BIK: variants seen among roughly 807,000 people sequenced by gnomAD.
BIK encodes the protein BCL2 interacting killer.
Under a neutral mutation model 12.1 loss-of-function variants are expected in BIK, and 14 were observed. The ratio of observed to expected loss-of-function variants is 1.16; its 90% CI spans 0.77 to 1.81. The LOEUF (loss-of-function observed/expected upper bound fraction) is 1.81. Ranked by LOEUF, BIK falls within the 40% of genes most tolerant of loss-of-function variation. BIK has a pLI of 0.00. For missense variants in BIK, 215 were observed against 207.9 expected (o/e 1.03, Z -0.21); for synonymous variants, 86 against 92.3 (o/e 0.93, Z 0.39).
intron 1 of BIK, among the ~76,000 whole-genome samples, chr22:43,115,084 C>G (rs998910091): frequency 6.6e-6 from 1 of 152,204 alleles, no homozygotes; most frequent in African/African-American, 2.4e-5. Flanking sequence ...CATGCAGGTT[C>G]CCGACTGGCT....
At chr22:43,114,491 T>G (rs1403328724) in intron 1 of BIK, among the ~76,000 whole-genome samples, 3 of 152,176 alleles carry the variant, frequency 2.0e-5, no homozygotes, top group East Asian at 3.9e-4. Flanking sequence ...TTAATAGAGA[T>G]GGGGTTTCAC....
At chr22:43,128,466 G>A in intron 3 of BIK, 30 bp from the exon 4 acceptor site, 1 of 1,582,582 alleles carries the variant, frequency 6.3e-7, no homozygotes, top group South Asian at 1.1e-5. Context: ...TGCAGTAATG[G>A]CTTTGTCCCC....
rs766525617 is a variant in BIK, at chr22:43,124,158, G to A, written c.136G>A (p.Asp46Asn). ...EEDLDPMEDF[D>N]SLECMEGSDA... ...GGACCTGGACCCTATGGAGGACTTC[G>A]ATTCTTTGGAATGCATGGAGGGCAG... is the stretch of plus-strand genomic sequence containing the variant. The change falls in exon 2 of 5, where the codon GAT (aspartate) becomes AAT (asparagine). Residue 46 changes from aspartate to asparagine, a missense_variant. Asp to Asn is a conservative substitution (Grantham distance 23). Transcript: ENST00000216115. 6.2e-6 allele frequency: 10 copies of A among 1,613,994 alleles called. No individual in the cohort carries two copies. The highest frequency in any genetic ancestry group is 5.5e-5 in the South Asian group (5 of 91,086).
At chr22:43,118,855 C>G (rs4988384) in intron 1 of BIK, among the ~76,000 whole-genome samples, 17,598 of 152,064 alleles carry the variant, frequency 0.12, 1,105 homozygotes, top group African/African-American at 0.14. Context: ...CAACCCCGCT[C>G]TGACACTCCT....
In BIK at chr22:43,124,129, A is replaced by T. The variant is rs1290564977; in HGVS notation, c.107A>T (p.Glu36Val). Residue 36 changes from glutamate (E) to valine (V), a missense_variant, in exon 2 of 5, where the codon GAA (glutamate) becomes GTA (valine). Physicochemically the swap from Glu to Val is moderately radical, Grantham distance 121. Transcript: ENST00000216115. ...TMEVLGMTDS[E>V]EDLDPMEDFD... ...GAGGTTCTTGGCATGACTGACTCTGAAGAGGACCTGGACCCTATGGAGGAC... is the reference window on the plus strand; with the variant it reads ...GAGGTTCTTGGCATGACTGACTCTGTAGAGGACCTGGACCCTATGGAGGAC... 6.2e-7 allele frequency: 1 copy of T among 1,614,018 alleles called. No individual in the cohort carries two copies. Among genetic ancestry groups the T allele is most frequent in the African/African-American group, 1.3e-5 (1 of 74,894 alleles).
chr22:43,128,642 C>G lies in BIK; in HGVS notation c.390+17C>G. ...GGGTCCTGGGTAAGAGCCTTGAGAT[C>G]CCTGACCCTGACTTGCGCTGCGGCC... On this transcript the variant is annotated intron_variant, in intron 4 of 4. Transcript: ENST00000216115. 1 of 1,594,572 alleles carries G rather than the reference C, an allele frequency of 6.3e-7. No homozygotes were observed. Among genetic ancestry groups the G allele is most frequent in the Non-Finnish European group, 8.6e-7 (1 of 1,168,826 alleles).
At chr22:43,122,960 A>G (rs566794387) in intron 1 of BIK, among the ~76,000 whole-genome samples, 1 of 152,258 alleles carries the variant, frequency 6.6e-6, no homozygotes, top group South Asian at 2.1e-4. Context: ...ACCAGCTGCA[A>G]GGGATGCTGG....
intron 3 of BIK, 146 bp downstream of exon 3, chr22:43,127,941 T>G (rs1930352756): frequency 4.9e-6 from 4 of 809,848 alleles, no homozygotes; most frequent in Non-Finnish European, 7.5e-6. Flanking sequence ...AACCCTTGGC[T>G]GCTTCCCGCA....
In BIK at chr22:43,117,229, C is replaced by T. The variant is rs538247775; in HGVS notation, c.-8+6426C>T. On this transcript the variant is annotated intron_variant, in intron 1 of 4. Coordinates refer to ENST00000216115, the MANE Select transcript of BIK (RefSeq NM_001197.5). ...CCAAGCCCATCCTGGAATCAGAACA[C>T]GCTGAGCACATTTTGTAGGGTGGCA... Among the ~76,000 whole-genome samples, 9 of 152,274 alleles carry T rather than the reference C, an allele frequency of 5.9e-5. No homozygotes were observed. The East Asian group carries it at 7.7e-4, about 13-fold the overall frequency.
chr22:43,125,088 G>A (rs867763864), intron 2 of BIK, among the ~76,000 whole-genome samples: 4 of 152,152 alleles, frequency 2.6e-5, no homozygotes, highest in African/African-American at 9.7e-5. Flanking sequence ...ACGTTGCCGT[G>A]GCATTTGTAA....
intron 2 of BIK, among the ~76,000 whole-genome samples, chr22:43,125,118 G>A (rs757491531): frequency 1.5e-4 from 23 of 152,296 alleles, no homozygotes; most frequent in Middle Eastern, 3.4e-3. Context: ...GCACTGGTGA[G>A]TGACTCCAAC....
At chr22:43,116,730 T>C (rs1378074634) in intron 1 of BIK, among the ~76,000 whole-genome samples, 1 of 152,204 alleles carries the variant, frequency 6.6e-6, no homozygotes, top group Non-Finnish European at 1.5e-5. Context: ...GTGCTGGGAT[T>C]ACAGGCGTAA....
chr22:43,129,278 C>T lies in BIK; in HGVS notation c.456C>T (p.Ser152=), dbSNP rs201234434. 4.7e-5 allele frequency: 75 copies of T among 1,600,564 alleles called. No individual in the cohort carries two copies. In the East Asian group the frequency reaches 1.1e-3, roughly 24 times the overall value. Residue 152 remains serine, a synonymous_variant, in exon 5 of 5, where the codon AGC becomes AGT. Transcript: ENST00000216115. ...TGGCGCTGCTGCTGCCGCTGCTCAG[C>T]GGGGGCCTGCACCTGCTGCTCAAGT... is the stretch of plus-strand genomic sequence containing the variant. ...LLLALLLPLL[S]GGLHLLLK is the part of the protein sequence containing the mutation.
intron 1 of BIK, among the ~76,000 whole-genome samples, chr22:43,113,862 G>C (rs949777232): frequency 6.6e-6 from 1 of 152,194 alleles, no homozygotes; most frequent in Non-Finnish European, 1.5e-5. Context: ...AACAGTTTGA[G>C]CCGTATGGAG....
At chr22:43,123,951 T>G in intron 1 of BIK, 65 bp from the exon 2 acceptor site, 1 of 1,545,748 alleles carries the variant, frequency 6.5e-7, no homozygotes, top group Non-Finnish European at 8.8e-7. Context: ...GGGGTCATCC[T>G]GTGAGAGAGC....
intron 1 of BIK, among the ~76,000 whole-genome samples, chr22:43,111,880 G>C (rs757432517): frequency 5.9e-5 from 9 of 152,116 alleles, no homozygotes; most frequent in Admixed American, 2.0e-4. Flanking sequence ...CTTCCAGGTG[G>C]AGAAACAGAG....
chr22:43,111,095 A>G (rs1445031194), intron 1 of BIK, among the ~76,000 whole-genome samples: 1 of 152,006 alleles, frequency 6.6e-6, no homozygotes, highest in Non-Finnish European at 1.5e-5. Flanking sequence ...TCTCGCCGCG[A>G]CGGCTGGACG....
At chr22:43,119,210 G>C (rs749907478) in intron 1 of BIK, among the ~76,000 whole-genome samples, 1 of 151,928 alleles carries the variant, frequency 6.6e-6, no homozygotes, top group African/African-American at 2.4e-5. Context: ...GGCTAAGTGC[G>C]GGCTGTAGCC....
In BIK at chr22:43,127,733, C is replaced by T. The variant is rs1460017825; in HGVS notation, c.198C>T (p.Asp66=). 2.3e-5 allele frequency: 35 copies of T among 1,555,522 alleles called. No individual in the cohort carries two copies. The highest frequency in any genetic ancestry group is 1.7e-4 in the Middle Eastern group (1 of 5,890). The change falls in exon 3 of 5, where the codon GAC becomes GAT. Residue 66 remains aspartate (D), a synonymous_variant. Transcript: ENST00000216115. ...CCCTGCGGCTGGCCTGCATCGGGGA[C>T]GAGATGGACGTGAGCCTCAGGGCCC... ...ALALRLACIG[D]EMDVSLRAPR...
Sources: allele counts gnomAD v4.1 joint callset (sites outside exome capture counted in the v4.1 genomes callset), GRCh38; gene constraint gnomAD v4.1.1; transcripts MANE v1.5; gene names NCBI Gene and HGNC (gene_info 2026-07-23, HGNC 2026-07-21).